The following FBXL13 variants were observed in gnomAD, a reference collection of about 807,000 sequenced individuals.
The protein encoded by FBXL13 is F-box and leucine rich repeat protein 13.
Under a neutral mutation model 83.6 loss-of-function variants are expected in FBXL13, and 67 were observed. That is an observed-to-expected ratio of 0.80 (90% CI 0.66 to 0.98). FBXL13 has a LOEUF of 0.98. Among genes scored for constraint, FBXL13 ranks in the 50% least tolerant of loss-of-function variants. FBXL13 has a pLI of 0.00. For synonymous variants in FBXL13, 272 were observed against 299.5 expected (o/e 0.91, Z 0.95); for missense variants, 822 against 866.5 (o/e 0.95, Z 0.64).
intron 11 of FBXL13, 39 bp from the exon 13 acceptor site, chr7:102,884,351 T>C: frequency 6.8e-7 from 1 of 1,463,358 alleles, no homozygotes; most frequent in Non-Finnish European, 9.6e-7. Flanking sequence ...GAGAATGCAT[T>C]AGCATGATAA....
intron 7 of FBXL13, among the ~76,000 whole-genome samples, chr7:102,964,582 T>C (rs1329909536): frequency 1.3e-5 from 2 of 151,730 alleles, no homozygotes; most frequent in Non-Finnish European, 2.9e-5. Context: ...TTTGTATTTT[T>C]AGTAGAGACG....
At chr7:102,834,095 AAAG>A (rs1333920323) in intron 17 of FBXL13, among the ~76,000 whole-genome samples, 2,506 of 94,498 alleles carry the variant, frequency 0.027, 78 homozygotes, top group African/African-American at 0.071. Context: ...GAAAAGAAAG[AAAG>A]AAAGAAAGAA....
At chr7:102,974,920 A>G (rs1563174271) in intron 6 of FBXL13, among the ~76,000 whole-genome samples, 1 of 152,022 alleles carries the variant, frequency 6.6e-6, no homozygotes, top group Non-Finnish European at 1.5e-5. Flanking sequence ...CCTCAGGACA[A>G]TTCTAGCATT....
chr7:102,908,098 T>C (rs1241332108), intron 11 of FBXL13, among the ~76,000 whole-genome samples: 1 of 152,220 alleles, frequency 6.6e-6, no homozygotes, highest in Non-Finnish European at 1.5e-5. Flanking sequence ...CATGCTGCTA[T>C]AAAGACTCAT....
Position 102,833,218 on chromosome 7 carries a change from G to T in FBXL13, c.1720-244C>A, listed in dbSNP as rs1007288093. Among the ~76,000 whole-genome samples the T allele has an allele frequency of 1.5e-4, 23 of 152,106 alleles. 1 individual carries two copies. Among genetic ancestry groups the T allele is most frequent in the Admixed American group, 1.4e-3 (21 of 15,272 alleles). ...CCTGCTAACAAAATTTGGTTTTCTT[G>T]AAGTTAGGTCTAATGAAGTTTGACT... On this transcript the variant is annotated intron_variant, in intron 17 of 19. Transcript: ENST00000313221.
In FBXL13 at chr7:102,962,649, G is replaced by A. The variant is rs568240923; in HGVS notation, c.724+884C>T. 3.3e-5 allele frequency among the ~76,000 whole-genome samples: 5 copies of A among 152,114 alleles called. No homozygotes were observed. In the East Asian group the frequency reaches 9.7e-4, roughly 29 times the overall value. ...CATATACACCATGGAATACTATGCAGCCATAAAAAATGATGAGTTCATGTC... is the reference window on the plus strand; with the variant it reads ...CATATACACCATGGAATACTATGCAACCATAAAAAATGATGAGTTCATGTC... On this transcript the variant is annotated intron_variant, in intron 8 of 19. Coordinates refer to ENST00000313221, the Ensembl canonical transcript of FBXL13.
At chr7:102,973,227 C>A in intron 6 of FBXL13, 1 of 256,240 alleles carries the variant, frequency 3.9e-6, no homozygotes, top group South Asian at 4.8e-5. Context: ...TTCTCCCCAA[C>A]GCCCGAAAGC....
intron 6 of FBXL13, among the ~76,000 whole-genome samples, chr7:103,006,042 CA>C (rs1790954378): frequency 6.6e-6 from 1 of 152,064 alleles, no homozygotes; most frequent in Admixed American, 6.5e-5. Context: ...ATGTGGATAA[CA>C]AGGCAGCACA....
chr7:102,936,812 A>G (rs149774490), intron 8 of FBXL13, among the ~76,000 whole-genome samples: 18 of 152,322 alleles, frequency 1.2e-4, no homozygotes, highest in African/African-American at 3.8e-4. Context: ...ACGAGACTAC[A>G]CTGTGTTCTA....
chr7:102,996,924 T>C (rs1246363327), intron 6 of FBXL13, among the ~76,000 whole-genome samples: 1 of 152,188 alleles, frequency 6.6e-6, no homozygotes, highest in Non-Finnish European at 1.5e-5. Flanking sequence ...CAAATAGCCC[T>C]TATTTCTTTA....
intron 10 of FBXL13, 80 bp from the exon 12 acceptor site, chr7:102,913,295 A>G: frequency 6.4e-7 from 1 of 1,556,866 alleles, no homozygotes; most frequent in Non-Finnish European, 8.8e-7. Flanking sequence ...TATGACAAAG[A>G]AAACTGTAAA....
At chr7:102,927,189 A>G (rs1289971661) in intron 9 of FBXL13, among the ~76,000 whole-genome samples, 1 of 152,248 alleles carries the variant, frequency 6.6e-6, no homozygotes, top group Admixed American at 6.5e-5. Context: ...AGGTAACACT[A>G]TATAAAATAC....
At chr7:102,825,455 C>T (rs949244608) in intron 18 of FBXL13, among the ~76,000 whole-genome samples, 7 of 152,186 alleles carry the variant, frequency 4.6e-5, no homozygotes, top group African/African-American at 1.7e-4. Context: ...AGGTTCTCCA[C>T]CAAATGCTCC....
At chr7:102,914,926 A>G (rs1039363249) in intron 10 of FBXL13, among the ~76,000 whole-genome samples, 2 of 152,164 alleles carry the variant, frequency 1.3e-5, no homozygotes, top group Non-Finnish European at 1.5e-5. Context: ...GAGGCACACC[A>G]GGGTGTCATT....
At chr7:103,030,306 T>C (rs1302875602) in intron 2 of FBXL13, among the ~76,000 whole-genome samples, 1 of 152,196 alleles carries the variant, frequency 6.6e-6, no homozygotes. Flanking sequence ...GAAAGGCCCA[T>C]AGGACCCCCG....
At position 102,929,389 on chromosome 7, in the gene FBXL13, C is replaced by T. The variant is rs576140047; in HGVS notation, c.777+2492G>A. Among the ~76,000 whole-genome samples the T allele has an allele frequency of 2.6e-5, 4 of 152,224 alleles. No individual in the cohort carries two copies. The South Asian group carries it at 8.3e-4, about 32-fold the overall frequency. On this transcript the variant is annotated intron_variant, in intron 9 of 19. Transcript: ENST00000313221. The stretch of plus-strand genomic sequence containing the variant: ...AGAAATTAATTCTGTCAGCTGGGTG[C>T]GGTGTCTCACGCCTGTAATCCCAGC...
chr7:102,959,444 T>C (rs1365557729), intron 8 of FBXL13, among the ~76,000 whole-genome samples: 5 of 152,032 alleles, frequency 3.3e-5, no homozygotes, highest in African/African-American at 1.2e-4. Context: ...ATATATTGTT[T>C]GAAATTATTT....
intron 1 of FBXL13, among the ~76,000 whole-genome samples, chr7:103,071,500 C>A (rs531711930): frequency 8.6e-5 from 13 of 151,884 alleles, no homozygotes; most frequent in Admixed American, 2.6e-4. Flanking sequence ...CCTCTCCTCT[C>A]AGCCTCATGA....
At chr7:102,912,584 G>A (rs1814889692) in intron 11 of FBXL13, among the ~76,000 whole-genome samples, 1 of 148,994 alleles carries the variant, frequency 6.7e-6, no homozygotes, top group African/African-American at 2.5e-5. Context: ...AAATCTTCAT[G>A]TTATTCAGCC....
Sources: allele counts gnomAD v4.1 joint callset (sites outside exome capture counted in the v4.1 genomes callset), GRCh38; gene constraint gnomAD v4.1.1; transcripts MANE v1.5; gene names NCBI Gene and HGNC (gene_info 2026-07-23, HGNC 2026-07-21).